The following ADK variants were observed in gnomAD, a reference collection of about 807,000 sequenced individuals.
ADK encodes the protein N6,N6-dimethyladenosine kinase.
Under a neutral mutation model 44.7 loss-of-function variants are expected in ADK, and 24 were observed. That is an observed-to-expected ratio of 0.54 (90% CI 0.39 to 0.76). ADK has a LOEUF of 0.76. Among genes scored for constraint, ADK ranks in the 30% least tolerant of loss-of-function variants. ADK has a pLI of 0.00. For synonymous variants in ADK, 128 were observed against 142.6 expected (o/e 0.90, Z 0.73); for missense variants, 321 against 425.1 (o/e 0.76, Z 2.15).
intron 4 of ADK, among the ~76,000 whole-genome samples, chr10:74,384,497 C>T (rs1341826886): frequency 6.6e-6 from 1 of 152,036 alleles, no homozygotes; most frequent in Non-Finnish European, 1.5e-5. Flanking sequence ...TGGTGGAACC[C>T]CACCTCTATT....
At chr10:74,330,373 G>A (rs1012314059) in intron 4 of ADK, among the ~76,000 whole-genome samples, 1 of 152,012 alleles carries the variant, frequency 6.6e-6, no homozygotes, top group African/African-American at 2.4e-5. Context: ...GATTGCTCCT[G>A]TGAATAGCCA....
At chr10:74,707,625 T>C (rs189066250) in intron 10 of ADK, among the ~76,000 whole-genome samples, 1 of 151,152 alleles carries the variant, frequency 6.6e-6, no homozygotes, top group East Asian at 2.0e-4. Context: ...TAGCTGGGCG[T>C]GATGGAAGGC....
intron 3 of ADK, among the ~76,000 whole-genome samples, chr10:74,302,008 A>G (rs1042781489): frequency 5.3e-5 from 8 of 150,396 alleles, no homozygotes; most frequent in Non-Finnish European, 7.4e-5. Context: ...CTTTTCTCCT[A>G]TAGTAACTGA....
chr10:74,240,854 A>G (rs1845180084), intron 3 of ADK, among the ~76,000 whole-genome samples: 1 of 152,220 alleles, frequency 6.6e-6, no homozygotes, highest in Non-Finnish European at 1.5e-5. Context: ...CTTAACCTTT[A>G]AAACCCATTG....
intron 9 of ADK, chr10:74,655,282 A>G (rs1408935258): frequency 2.1e-6 from 1 of 466,980 alleles, no homozygotes. Context: ...TCCATCTTTG[A>G]GAAGGGCCCA....
At chr10:74,379,081 A>C (rs1842903399) in intron 4 of ADK, among the ~76,000 whole-genome samples, 1 of 152,206 alleles carries the variant, frequency 6.6e-6, no homozygotes, top group South Asian at 2.1e-4. Flanking sequence ...AGGGCCTCAT[A>C]GACTATTGTA....
chr10:74,477,328 C>G (rs1283989772), intron 6 of ADK, among the ~76,000 whole-genome samples: 3 of 152,050 alleles, frequency 2.0e-5, no homozygotes, highest in African/African-American at 7.2e-5. Context: ...CCTCAGCCTC[C>G]CGAGTAGCTG....
intron 10 of ADK, among the ~76,000 whole-genome samples, chr10:74,687,172 A>T (rs1276892597): frequency 1.3e-5 from 2 of 152,248 alleles, no homozygotes; most frequent in African/African-American, 4.8e-5. Context: ...AGCCAGAATG[A>T]CAAGTTTTCA....
intron 1 of ADK, among the ~76,000 whole-genome samples, chr10:74,187,819 CAATT>C (rs1842812528): frequency 6.6e-6 from 1 of 152,160 alleles, no homozygotes; most frequent in Non-Finnish European, 1.5e-5. Flanking sequence ...AAAGGATTTT[CAATT>C]AATTGATTAG....
chr10:74,235,447 G>C (rs1844924004), intron 3 of ADK, among the ~76,000 whole-genome samples: 1 of 152,150 alleles, frequency 6.6e-6, no homozygotes. Flanking sequence ...GGGACTACAG[G>C]TATGTGCCAC....
At chr10:74,684,590 G>A (rs12262949) in intron 10 of ADK, among the ~76,000 whole-genome samples, 16,497 of 152,110 alleles carry the variant, frequency 0.11, 1,460 homozygotes, top group African/African-American at 0.23. Context: ...GGGCAACATA[G>A]TGAGACTCCC....
chr10:74,524,270 TAAAGA>T (rs1348581375), intron 6 of ADK, among the ~76,000 whole-genome samples: 5 of 152,278 alleles, frequency 3.3e-5, no homozygotes, highest in African/African-American at 4.8e-5. Context: ...AAGAAAATTT[TAAAGA>T]AAAATTAAAT....
chr10:74,551,361 A>G (rs1850030310), intron 7 of ADK: 1 of 152,378 alleles, frequency 6.6e-6, no homozygotes, highest in African/African-American at 2.4e-5. Context: ...CTTACAAAGA[A>G]TTTAAAAATG....
At chr10:74,342,647 A>AT (rs534947513) in intron 4 of ADK, among the ~76,000 whole-genome samples, 53 of 151,470 alleles carry the variant, frequency 3.5e-4, no homozygotes, top group African/African-American at 1.3e-3. Flanking sequence ...CTAATTTTTA[A>AT]TTTTTTTTGT....
Position 74,521,945 on chromosome 10 carries a change from C to T in ADK, c.556-3311C>T, listed in dbSNP as rs554320622. ...GAGAAATATTGTTATTATACAAAAA[C>T]ATTTTGTATTTCACTAAACATACTA... is the stretch of plus-strand genomic sequence containing the variant. On this transcript the variant is annotated intron_variant, in intron 6 of 10. Coordinates refer to ENST00000539909, the MANE Select transcript of ADK (RefSeq NM_006721.4). Among the ~76,000 whole-genome samples the T allele has an allele frequency of 2.7e-3, 404 of 152,192 alleles. 1 individual carries two copies. The highest frequency in any genetic ancestry group is 0.014 in the South Asian group (69 of 4,826).
In ADK at chr10:74,693,922, G is replaced by T. The variant is rs189579516; in HGVS notation, c.965-14399G>T. Among the ~76,000 whole-genome samples, 130 of 152,146 alleles carry T rather than the reference G, an allele frequency of 8.5e-4. No individual in the cohort carries two copies. In the South Asian group the frequency reaches 0.011, roughly 13 times the overall value. On this transcript the variant is annotated intron_variant, in intron 10 of 10. Coordinates refer to ENST00000539909, the MANE Select transcript of ADK (RefSeq NM_006721.4). ...CTAACTCACTCCAAAGGCATGAGTG[G>T]GAAACTATTAAAATAACACATCACT... is the stretch of plus-strand genomic sequence containing the variant.
rs538753718 is a variant in ADK, at chr10:74,205,447, G to A, written c.140+4609G>A. Among the ~76,000 whole-genome samples the A allele has an allele frequency of 2.0e-4, 31 of 152,118 alleles. 1 individual carries two copies. In the South Asian group the frequency reaches 6.0e-3, roughly 29 times the overall value. On this transcript the variant is annotated intron_variant, in intron 2 of 10. Transcript: ENST00000539909. ...TCCCAGCACTTTGGGAGGCTGAGGT[G>A]GATGGATCACTTGAGGTCAGGAGTT...
At chr10:74,694,347 T>G (rs948610707) in intron 10 of ADK, among the ~76,000 whole-genome samples, 5 of 151,084 alleles carry the variant, frequency 3.3e-5, no homozygotes, top group Non-Finnish European at 7.4e-5. Flanking sequence ...GGCCAGAAGT[T>G]GGAGACCAGC....
At chr10:74,434,957 TA>T (rs1845131916) in intron 6 of ADK, among the ~76,000 whole-genome samples, 2 of 152,184 alleles carry the variant, frequency 1.3e-5, no homozygotes, top group Non-Finnish European at 2.9e-5. Flanking sequence ...GTAAACTAGT[TA>T]TGCACAGTAG....
Sources: gnomAD v4.1 joint callset for allele counts (sites outside exome capture counted in the v4.1 genomes callset) on GRCh38, gnomAD v4.1.1 for gene constraint, MANE v1.5 for transcripts, NCBI Gene and HGNC (gene_info 2026-07-23, HGNC 2026-07-21) for gene names.